The following HLCS variants were observed in gnomAD, a reference collection of about 807,000 sequenced individuals.
The protein encoded by HLCS is holocarboxylase synthetase.
HLCS carries 53 observed loss-of-function variants against 75.0 expected under a neutral mutation model. The ratio of observed to expected loss-of-function variants is 0.71; its 90% CI spans 0.57 to 0.89. The LOEUF (loss-of-function observed/expected upper bound fraction) is 0.89. Ranked by LOEUF, HLCS falls within the 40% of genes least tolerant of loss-of-function variation. HLCS has a pLI of 0.00. For missense variants in HLCS, 966 were observed against 1,074.0 expected (o/e 0.90, Z 1.41); for synonymous variants, 431 against 428.6 (o/e 1.01, Z -0.07).
intron 5 of HLCS, among the ~76,000 whole-genome samples, chr21:36,924,873 G>A (rs2066333025): frequency 6.6e-6 from 1 of 152,152 alleles, no homozygotes; most frequent in African/African-American, 2.4e-5. Context: ...GTATGACTGA[G>A]TCTAAGTTTC....
chr21:36,977,915 G>A (rs1353416977), intron 1 of HLCS, among the ~76,000 whole-genome samples: 14 of 152,360 alleles, frequency 9.2e-5, no homozygotes, highest in Admixed American at 5.2e-4. Context: ...GAAGGGAATA[G>A]AAGGGCAACG....
chr21:36,848,277 T>G (rs1007247173), intron 6 of HLCS, among the ~76,000 whole-genome samples: 15 of 151,810 alleles, frequency 9.9e-5, no homozygotes, highest in African/African-American at 3.4e-4. Context: ...TGTTGTTTTT[T>G]TTTTTTTTTT....
intron 6 of HLCS, among the ~76,000 whole-genome samples, chr21:36,841,834 C>T (rs77252006): frequency 0.016 from 2,506 of 152,208 alleles, 64 homozygotes; most frequent in African/African-American, 0.057. Context: ...ATTGATAACA[C>T]GGGGACATCA....
At chr21:36,939,770 C>T (rs767269277) in intron 2 of HLCS, among the ~76,000 whole-genome samples, 4 of 152,162 alleles carry the variant, frequency 2.6e-5, no homozygotes, top group African/African-American at 9.7e-5. Flanking sequence ...GTGAAGAGCC[C>T]GGCGCTGCAG....
rs556685697 is a variant in HLCS, at chr21:36,750,418, G to A, written c.*3828C>T. Among the ~76,000 whole-genome samples the A allele has an allele frequency of 6.6e-6, 1 of 152,320 alleles. No homozygotes were observed. The highest frequency in any genetic ancestry group is 6.5e-5 in the Admixed American group (1 of 15,310). ...TCCATTCATACCTTTGTAGAGCAGT[G>A]GGCTGGGTGTGGAGGGCAGCGCGGA... is the stretch of plus-strand genomic sequence containing the variant. On this transcript the variant is annotated 3_prime_UTR_variant, in exon 11 of 11. Coordinates refer to ENST00000674895, the MANE Select transcript of HLCS (RefSeq NM_001352514.2).
chr21:36,878,909 C>T (rs2064090735), intron 6 of HLCS, among the ~76,000 whole-genome samples: 1 of 152,136 alleles, frequency 6.6e-6, no homozygotes, highest in Admixed American at 6.5e-5. Flanking sequence ...GCTTCTATCA[C>T]TTACTCTTTA....
At chr21:36,898,379 G>A (rs1387836590) in intron 5 of HLCS, among the ~76,000 whole-genome samples, 1 of 144,728 alleles carries the variant, frequency 6.9e-6, no homozygotes, top group African/African-American at 2.6e-5. Context: ...CTGGGAGGCA[G>A]AGGCTGCAGT....
chr21:36,976,315 A>G (rs2068935334), intron 1 of HLCS, among the ~76,000 whole-genome samples: 1 of 152,188 alleles, frequency 6.6e-6, no homozygotes, highest in Non-Finnish European at 1.5e-5. Context: ...CATGATCCAA[A>G]AGACAAAGAG....
chr21:36,828,824 A>T (rs759154749), intron 6 of HLCS, among the ~76,000 whole-genome samples: 8 of 152,246 alleles, frequency 5.3e-5, no homozygotes, highest in Non-Finnish European at 1.0e-4. Context: ...AAAATGCAAT[A>T]AAAATATTGC....
intron 6 of HLCS, among the ~76,000 whole-genome samples, chr21:36,889,498 G>A (rs1342826573): frequency 6.6e-6 from 1 of 152,214 alleles, no homozygotes; most frequent in Non-Finnish European, 1.5e-5. Flanking sequence ...TCTCCAGAGG[G>A]TTGACTATCA....
chr21:36,831,402 C>T (rs530371825), intron 6 of HLCS, among the ~76,000 whole-genome samples: 6 of 152,126 alleles, frequency 3.9e-5, no homozygotes, highest in Non-Finnish European at 7.4e-5. Flanking sequence ...GTTACTGGGC[C>T]GGCATGGTGG....
chr21:36,873,726 G>A (rs1174711621), intron 6 of HLCS, among the ~76,000 whole-genome samples: 2 of 151,854 alleles, frequency 1.3e-5, no homozygotes, highest in African/African-American at 4.8e-5. Flanking sequence ...AGGCCTCCTG[G>A]GCAACTGGGA....
chr21:36,937,665 G>A (rs565818057), intron 3 of HLCS, among the ~76,000 whole-genome samples: 2 of 152,370 alleles, frequency 1.3e-5, no homozygotes, highest in East Asian at 3.9e-4. Context: ...ACGGAATGGT[G>A]AAGAAAGTGA....
At chr21:36,844,072 C>CGAGAAGAA (rs1317290484) in intron 6 of HLCS, among the ~76,000 whole-genome samples, 2 of 152,148 alleles carry the variant, frequency 1.3e-5, no homozygotes, top group African/African-American at 4.8e-5. Flanking sequence ...AGTTTCTTCT[C>CGAGAAGAA]AAAGTAAACA....
chr21:36,755,282 T>C (rs2068432485), intron 10 of HLCS, among the ~76,000 whole-genome samples: 1 of 151,918 alleles, frequency 6.6e-6, no homozygotes, highest in Non-Finnish European at 1.5e-5. Context: ...ACTCCTATTG[T>C]CTCAGCTACT....
chr21:36,813,250 A>G (rs2061563103), intron 6 of HLCS, among the ~76,000 whole-genome samples: 1 of 152,234 alleles, frequency 6.6e-6, no homozygotes, highest in South Asian at 2.1e-4. Context: ...CAACGCAAAC[A>G]TGCAGCCAAA....
chr21:36,867,766 C>T (rs1037689253), intron 6 of HLCS, among the ~76,000 whole-genome samples: 2 of 152,186 alleles, frequency 1.3e-5, no homozygotes, highest in African/African-American at 2.4e-5. Flanking sequence ...GAACTACATG[C>T]CCTTCTTTTA....
chr21:36,793,109 C>T (rs536268735), intron 6 of HLCS, among the ~76,000 whole-genome samples: 9 of 152,150 alleles, frequency 5.9e-5, no homozygotes, highest in South Asian at 2.1e-4. Flanking sequence ...TAACCTGATT[C>T]GAGTTGTTGA....
At chr21:36,756,278 A>C (rs942047515) in intron 10 of HLCS, among the ~76,000 whole-genome samples, 23 of 151,740 alleles carry the variant, frequency 1.5e-4, no homozygotes, top group Middle Eastern at 3.4e-3. Context: ...CTCCACTAAA[A>C]ATACAAAAAA....
Sources: allele counts gnomAD v4.1 joint callset (sites outside exome capture counted in the v4.1 genomes callset), GRCh38; gene constraint gnomAD v4.1.1; transcripts MANE v1.5; gene names NCBI Gene and HGNC (gene_info 2026-07-23, HGNC 2026-07-21).